Variants in SZT2 observed in about 807,000 individuals in gnomAD.
The protein encoded by SZT2 is SZT2 subunit of KICSTOR complex.
A neutral mutation model predicts 404.2 loss-of-function variants in SZT2; 216 were observed. That is an observed-to-expected ratio of 0.53 (90% CI 0.48 to 0.60). The LOEUF (loss-of-function observed/expected upper bound fraction) is 0.60. Among genes scored for constraint, SZT2 ranks in the 20% least tolerant of loss-of-function variants. The pLI is 0.00. For synonymous variants in SZT2, 1,693 were observed against 1,749.9 expected, an observed-to-expected ratio of 0.97 and a Z score of 0.81; for missense variants, 3,857 against 4,459.2, an observed-to-expected ratio of 0.86 and a Z score of 3.85.
Position 43,424,688 on chromosome 1 carries a change from GAC to G in SZT2, c.2472-95_2472-94del. ...CCAGCAGCAGACTTGGCTCCTTGAG[GAC>G]TGCTGGGAGGTGGGTGTATGTGGGG... On this transcript the variant is annotated intron_variant, in intron 16 of 71. Coordinates refer to ENST00000634258, the MANE Select transcript of SZT2 (RefSeq NM_001365999.1). The surrounding 1 kb of genome is among the most constrained non-coding windows in gnomAD (Gnocchi z 4.1). 9.0e-7 allele frequency: 1 copy of G among 1,105,646 alleles called. No individual in the cohort carries two copies. 68.5% of individuals were successfully genotyped at this position (1,105,646 alleles called of 1,614,324 possible).
Position 43,441,932 on chromosome 1 carries a change from G to C in SZT2, c.7743-68G>C. ...CTAGGAGAGGTGGAAACAAGGCCCA[G>C]GGAGGTGAAGGCTAGGCCAGGGAGT... On this transcript the variant is annotated intron_variant, in intron 55 of 71. Coordinates refer to ENST00000634258, the MANE Select transcript of SZT2 (RefSeq NM_001365999.1). This position sits in a 1 kb window ranked among gnomAD's most constrained non-coding sequence, Gnocchi z 4.8. 1 of 1,592,010 alleles carries C rather than the reference G, an allele frequency of 6.3e-7. No homozygotes were observed. The highest frequency in any genetic ancestry group is 8.6e-7 in the Non-Finnish European group (1 of 1,166,372).
chr1:43,435,876 C>G (rs1654408864), intron 42 of SZT2: 1 of 152,274 alleles, frequency 6.6e-6, no homozygotes, highest in South Asian at 2.1e-4. Flanking sequence ...CCGTCTTTCC[C>G]TGGCAGGGAA....
At chr1:43,410,969 C>T (rs908820441) in intron 4 of SZT2, among the ~76,000 whole-genome samples, 21 of 152,056 alleles carry the variant, frequency 1.4e-4, no homozygotes, top group Non-Finnish European at 1.3e-4. Context: ...GGGTGGGGAG[C>T]AGGGTGAGGG....
rs548318531 is a variant in SZT2 at position 43,443,876 on chromosome 1, A to G, written c.8825+80A>G. 66 of 1,563,380 alleles carry G rather than the reference A, an allele frequency of 4.2e-5. 1 individual carries two copies. The South Asian group carries it at 6.3e-4, about 15-fold the overall frequency. ...CCCCACAGGCCCTTCCTCTCTTTAC[A>G]AGGTCCTATGTTGACAATTTGGGCT... On this transcript the variant is annotated intron_variant, in intron 62 of 71. Transcript: ENST00000634258.
chr1:43,419,460 A>G (rs1570617131), intron 7 of SZT2, among the ~76,000 whole-genome samples: 1 of 152,390 alleles, frequency 6.6e-6, no homozygotes, highest in East Asian at 1.9e-4. Context: ...TCAGTGAACC[A>G]GTTGCCAAAA....
At chr1:43,431,963 C>G (rs1261359146) in intron 36 of SZT2, 62 bp downstream of exon 36, 7 of 1,582,510 alleles carry the variant, frequency 4.4e-6, no homozygotes, top group Non-Finnish European at 6.1e-6. Context: ...GGGCCCCAGG[C>G]ACAGGACTGG....
chr1:43,389,958 A>C lies in SZT2; in HGVS notation c.-11A>C, dbSNP rs777754573. 3.4e-5 allele frequency: 49 copies of C among 1,442,944 alleles called. No homozygotes were observed. The highest frequency in any genetic ancestry group is 4.4e-5 in the Non-Finnish European group (48 of 1,098,502). The allele number at this position is 1,442,944 out of a possible 1,614,324, so 89.4% of individuals were successfully genotyped here. A position where few individuals can be genotyped will look rare whatever the true frequency, so the allele number is the denominator to read the frequency against. On this transcript the variant is annotated 5_prime_UTR_variant, in exon 1 of 72. Coordinates refer to ENST00000634258, the MANE Select transcript of SZT2 (RefSeq NM_001365999.1). ...CCTCACTGGCCCGGGCCGGCGCGGG[A>C]GGGCTGTGTGATGGCCTCGGAGCGC... is the stretch of plus-strand genomic sequence containing the variant.
Position 43,446,180 on chromosome 1 carries a change from G to T in SZT2, c.8918G>T (p.Ser2973Ile), listed in dbSNP as rs768889779. ...PKTKTDGSPK[S>I]TSSPVTTYHL... ...TTGCCCCCTTTTTTGTTTCTTCAGA[G>T]CACTAGCTCTCCGGTAACCACCTAC... Residue 2973 changes from serine to isoleucine, a missense_variant and splice_region_variant, in exon 64 of 72, where the codon AGC becomes ATC. Physicochemically the swap from Ser to Ile is moderately radical, Grantham distance 142. Coordinates refer to ENST00000634258, the MANE Select transcript of SZT2 (RefSeq NM_001365999.1). The T allele has an allele frequency of 5.0e-6, 8 of 1,614,194 alleles. No homozygotes were observed. The highest frequency in any genetic ancestry group is 6.8e-6 in the Non-Finnish European group (8 of 1,180,048).
rs1267372908 is a variant in SZT2, at chr1:43,453,785, C to T, written c.*3305C>T. Reference sequence around the variant, plus strand: ...AGGACAGATTGGCGGAGAAGCGCAGCGGCGCCATGCCTGGGGAGGCCGGGC... The same window carrying T: ...AGGACAGATTGGCGGAGAAGCGCAGTGGCGCCATGCCTGGGGAGGCCGGGC... On this transcript the variant is annotated 3_prime_UTR_variant, in exon 72 of 72. Transcript: ENST00000634258. 2.3e-6 allele frequency: 3 copies of T among 1,281,842 alleles called. No individual in the cohort carries two copies. The highest frequency in any genetic ancestry group is 2.7e-5 in the South Asian group (1 of 36,466). The allele number at this position is 1,281,842 out of a possible 1,614,324, so 79.4% of individuals were successfully genotyped here.
intron 1 of SZT2, among the ~76,000 whole-genome samples, chr1:43,395,365 A>G (rs893907641): frequency 6.6e-6 from 1 of 152,108 alleles, no homozygotes; most frequent in Admixed American, 6.5e-5. Context: ...TGGTATGATC[A>G]TGGCTCACTG....
At position 43,424,673 on chromosome 1, in the gene SZT2, A is replaced by G; in HGVS notation, c.2472-111A>G. ...CCAGTCTAAGCAGGGCCAGCAGCAG[A>G]CTTGGCTCCTTGAGGACTGCTGGGA... On this transcript the variant is annotated intron_variant, in intron 16 of 71. Transcript: ENST00000634258. This position sits in a 1 kb window ranked among gnomAD's most constrained non-coding sequence, Gnocchi z 4.1. 1 of 980,052 alleles carries G rather than the reference A, an allele frequency of 1.0e-6. No individual in the cohort carries two copies. Among genetic ancestry groups the G allele is most frequent in the Non-Finnish European group, 1.6e-6 (1 of 638,712 alleles). 60.7% of individuals were successfully genotyped at this position (980,052 alleles called of 1,614,324 possible).
In SZT2 at chr1:43,443,815, T is replaced by A. The variant is rs773816154; in HGVS notation, c.8825+19T>A. On this transcript the variant is annotated intron_variant, in intron 62 of 71. Transcript: ENST00000634258. ...CCCGCAGGTGAGCCCGTCCCTGTTT[T>A]CCCTTCTGTCTTCTCCTCCTGCACT... The A allele has an allele frequency of 6.2e-7, 1 of 1,612,500 alleles. No homozygotes were observed. Among genetic ancestry groups the A allele is most frequent in the South Asian group, 1.1e-5 (1 of 90,996 alleles).
At position 43,429,791 on chromosome 1, in the gene SZT2, G is replaced by C. The variant is rs202088024; in HGVS notation, c.4255G>C (p.Asp1419His). 6.3e-5 allele frequency: 102 copies of C among 1,614,116 alleles called. 1 individual carries two copies. Among genetic ancestry groups the C allele is most frequent in the Non-Finnish European group, 1.2e-5 (14 of 1,180,046 alleles). ...CCCTGGGCCAGAGATCTCTCTGACA[G>C]ATGTCTGCCAGCTCAGAGGAGAGGC... ...PDPGPEISLT[D>H]VCQLRGEAHG... The change falls in exon 29 of 72, where the codon GAT becomes CAT. Residue 1419 changes from aspartate to histidine, a missense_variant. Physicochemically the swap from Asp to His is moderately conservative, Grantham distance 81. This residue lies in a region of SZT2 where 1,725 missense variants were observed against 1,881.0 expected (regional missense o/e 0.92). Transcript: ENST00000634258.
At chr1:43,393,675 C>T (rs1036392615) in intron 1 of SZT2, among the ~76,000 whole-genome samples, 3 of 152,154 alleles carry the variant, frequency 2.0e-5, no homozygotes, top group Non-Finnish European at 4.4e-5. Context: ...AAAGGCTGAA[C>T]AAATCAGACC....
At chr1:43,399,759 C>A (rs1649458807) in intron 1 of SZT2, among the ~76,000 whole-genome samples, 2 of 151,532 alleles carry the variant, frequency 1.3e-5, no homozygotes, top group Non-Finnish European at 1.5e-5. Flanking sequence ...TGGTGCCCGG[C>A]CACCAGAGGG....
chr1:43,397,022 A>G (rs753908564), intron 1 of SZT2, among the ~76,000 whole-genome samples: 1 of 152,250 alleles, frequency 6.6e-6, no homozygotes, highest in Non-Finnish European at 1.5e-5. Context: ...ATAGCTGGAA[A>G]CAGAATAAAT....
Position 43,426,303 on chromosome 1 carries a change from G to T in SZT2, c.3044-65G>T. 6.6e-7 allele frequency: 1 copy of T among 1,504,546 alleles called. No individual in the cohort carries two copies. Among genetic ancestry groups the T allele is most frequent in the Non-Finnish European group, 8.9e-7 (1 of 1,125,812 alleles). 93.2% of individuals were successfully genotyped at this position (1,504,546 alleles called of 1,614,324 possible). ...GGCTGAAGGAGGGGCCAGCTGGTCA[G>T]GGCTGAGCCGGGGGCACCGGGCAGC... On this transcript the variant is annotated intron_variant, in intron 21 of 71. Coordinates refer to ENST00000634258, the MANE Select transcript of SZT2 (RefSeq NM_001365999.1). The surrounding 1 kb of genome is among the most constrained non-coding windows in gnomAD (Gnocchi z 4.9).
At chr1:43,398,969 A>G (rs1477976287) in intron 1 of SZT2, among the ~76,000 whole-genome samples, 2 of 151,956 alleles carry the variant, frequency 1.3e-5, no homozygotes, top group African/African-American at 4.8e-5. Context: ...AGTCCCAGCT[A>G]CTCAGGAGGC....
intron 1 of SZT2, among the ~76,000 whole-genome samples, chr1:43,394,285 T>G (rs557023085): frequency 1.3e-5 from 2 of 149,116 alleles, no homozygotes; most frequent in South Asian, 4.3e-4. Flanking sequence ...CTTGGCTCAC[T>G]GCAACCTCCA....
Sources: allele counts gnomAD v4.1 joint callset (sites outside exome capture counted in the v4.1 genomes callset), GRCh38; gene constraint gnomAD v4.1.1; regional missense constraint gnomAD v4.1.1; non-coding constraint Gnocchi (gnomAD v3.1); transcripts MANE v1.5; gene names NCBI Gene and HGNC (gene_info 2026-07-23, HGNC 2026-07-21).